PARD3: variants seen among roughly 807,000 people sequenced by gnomAD.
The protein encoded by PARD3 is par-3 family cell polarity regulator.
Under a neutral mutation model 155.4 loss-of-function variants are expected in PARD3, and 75 were observed. The ratio of observed to expected loss-of-function variants is 0.48; its 90% CI spans 0.40 to 0.58. The LOEUF is 0.58. PARD3 is among the 20% of genes least tolerant of loss of function. PARD3 has a pLI of 0.00. For synonymous variants in PARD3, 576 were observed against 610.5 expected, an observed-to-expected ratio of 0.94 and a Z score of 0.83; for missense variants, 1,642 against 1,721.7, an observed-to-expected ratio of 0.95 and a Z score of 0.82.
intron 1 of PARD3, among the ~76,000 whole-genome samples, chr10:34,769,554 G>A (rs553417229): frequency 6.6e-5 from 10 of 151,728 alleles, no homozygotes; most frequent in South Asian, 2.1e-4. Flanking sequence ...CCAGGAGTCC[G>A]ACACCAGCTT....
At chr10:34,225,717 C>A (rs1173713009) in intron 22 of PARD3, among the ~76,000 whole-genome samples, 2 of 152,120 alleles carry the variant, frequency 1.3e-5, no homozygotes, top group Non-Finnish European at 2.9e-5. Flanking sequence ...CTTACCTCAT[C>A]TCATATACAA....
rs2132002300 is a variant in PARD3 at position 34,382,684 on chromosome 10, A to C, written c.1255T>G (p.Ser419Ala). ...NHPPEQIDSH[S>A]RLPHSAHPSG... ...GGGTGTGCGCTATGAGGTAGTCTTGAGTGAGAGTCTATCTGCTCAGGCGGG... is the reference window on the plus strand; with the variant it reads ...GGGTGTGCGCTATGAGGTAGTCTTGCGTGAGAGTCTATCTGCTCAGGCGGG... The change falls in exon 9 of 25, where the codon TCA (serine) becomes GCA (alanine). Residue 419 changes from serine (S) to alanine (A), a missense_variant. Around this residue, in one of 3 missense-constraint regions of PARD3, gnomAD observed 1,529 missense variants for 1,587.3 expected, o/e 0.96. Coordinates refer to ENST00000374788, the MANE Select transcript of PARD3 (RefSeq NM_001184785.2). The C allele has an allele frequency of 6.2e-7, 1 of 1,614,130 alleles. No individual in the cohort carries two copies. The highest frequency in any genetic ancestry group is 8.5e-7 in the Non-Finnish European group (1 of 1,180,046).
At chr10:34,774,698 C>T (rs1338519973) in intron 1 of PARD3, among the ~76,000 whole-genome samples, 1 of 149,606 alleles carries the variant, frequency 6.7e-6, no homozygotes, top group Non-Finnish European at 1.5e-5. Flanking sequence ...CAACACTACA[C>T]TGATCTTATA....
chr10:34,473,535 A>G (rs936934826), intron 3 of PARD3, among the ~76,000 whole-genome samples: 1 of 152,138 alleles, frequency 6.6e-6, no homozygotes, highest in African/African-American at 2.4e-5. Context: ...AAAAATAAAA[A>G]AAAAAAAAAT....
chr10:34,216,210 G>C lies in PARD3; in HGVS notation c.3419+53447C>G, dbSNP rs148382355. Among the ~76,000 whole-genome samples, 759 of 152,226 alleles carry C rather than the reference G, an allele frequency of 5.0e-3. 2 individuals are homozygous for C. Among genetic ancestry groups the C allele is most frequent in the African/African-American group, 0.016 (676 of 41,536 alleles). On this transcript the variant is annotated intron_variant, in intron 22 of 24. Transcript: ENST00000374788. ...CTCAATATTTGTATGCAAATATTTA[G>C]GAAACATGCACAAAATTGAGCAAGT...
intron 14 of PARD3, among the ~76,000 whole-genome samples, chr10:34,351,702 C>T (rs1441620676): frequency 1.3e-5 from 2 of 152,204 alleles, no homozygotes; most frequent in African/African-American, 2.4e-5. Context: ...ACATCAGATT[C>T]GAAAGCCCAT....
In PARD3 at chr10:34,119,757, C is replaced by A. The variant is rs371401369; in HGVS notation, c.3541-17G>T. The A allele has an allele frequency of 8.1e-6, 13 of 1,606,318 alleles. No homozygotes were observed. The African/African-American group carries it at 1.7e-4, about 21-fold the overall frequency. ...TGCGTTCGGCTGGAAGAGGAAAATA[C>A]AAGCACATCGTTAACCAGAAAGTTC... On this transcript the variant is annotated splice_polypyrimidine_tract_variant and intron_variant, in intron 23 of 24. Coordinates refer to ENST00000374788, the MANE Select transcript of PARD3 (RefSeq NM_001184785.2).
chr10:34,536,384 A>G (rs1240757087), intron 2 of PARD3, among the ~76,000 whole-genome samples: 1 of 152,228 alleles, frequency 6.6e-6, no homozygotes, highest in Non-Finnish European at 1.5e-5. Context: ...CCAAACATCT[A>G]TGAAAGAAGT....
chr10:34,770,442 A>C (rs1838714272), intron 1 of PARD3, among the ~76,000 whole-genome samples: 1 of 152,200 alleles, frequency 6.6e-6, no homozygotes, highest in African/African-American at 2.4e-5. Flanking sequence ...TGCACATAAA[A>C]GGGTTATCTG....
intron 21 of PARD3, among the ~76,000 whole-genome samples, chr10:34,273,718 C>A (rs992808107): frequency 2.6e-5 from 4 of 152,178 alleles, no homozygotes; most frequent in Non-Finnish European, 4.4e-5. Flanking sequence ...AAAATTATTA[C>A]AAACTTAAAA....
chr10:34,549,746 T>C (rs1015014464), intron 2 of PARD3, among the ~76,000 whole-genome samples: 2 of 152,170 alleles, frequency 1.3e-5, no homozygotes, highest in African/African-American at 2.4e-5. Context: ...ATAAATTTCA[T>C]TGAAACTTCA....
At chr10:34,319,347 A>C (rs1218566710) in intron 19 of PARD3, among the ~76,000 whole-genome samples, 1 of 152,124 alleles carries the variant, frequency 6.6e-6, no homozygotes, top group Non-Finnish European at 1.5e-5. Context: ...TCTCCTCCCA[A>C]AGTGCTGGGA....
intron 2 of PARD3, among the ~76,000 whole-genome samples, chr10:34,576,332 G>C (rs561019539): frequency 6.6e-6 from 1 of 152,128 alleles, no homozygotes; most frequent in African/African-American, 2.4e-5. Context: ...CTGTCTGCTT[G>C]CTTGTGCATT....
chr10:34,646,065 T>C (rs553172945), intron 2 of PARD3, among the ~76,000 whole-genome samples: 3 of 152,280 alleles, frequency 2.0e-5, no homozygotes, highest in South Asian at 4.1e-4. Flanking sequence ...AGTCACAAAA[T>C]AGCATTCTTC....
At chr10:34,798,648 T>G (rs1842547238) in intron 1 of PARD3, among the ~76,000 whole-genome samples, 1 of 141,570 alleles carries the variant, frequency 7.1e-6, no homozygotes, top group Non-Finnish European at 1.5e-5. Context: ...GAGGTTGCAG[T>G]GAGCCGAGAT....
chr10:34,252,019 A>G (rs546988748), intron 22 of PARD3, among the ~76,000 whole-genome samples: 2 of 152,294 alleles, frequency 1.3e-5, no homozygotes, highest in African/African-American at 4.8e-5. Context: ...GTTGGAGGAG[A>G]CGGATGATAA....
rs574230807 is a variant in PARD3 at position 34,226,974 on chromosome 10, C to T, written c.3419+42683G>A. Among the ~76,000 whole-genome samples, 3 of 152,186 alleles carry T rather than the reference C, an allele frequency of 2.0e-5. No homozygotes were observed. In the South Asian group the frequency reaches 6.2e-4, roughly 32 times the overall value. On this transcript the variant is annotated intron_variant, in intron 22 of 24. Coordinates refer to ENST00000374788, the MANE Select transcript of PARD3 (RefSeq NM_001184785.2). ...ATCCACATGCATGGCAAAGATTTCA[C>T]GAAGAAGACTCAAAAGCAATTGGAA...
At chr10:34,155,668 ATGTGTGTGTGTGTG>A (rs3039232) in intron 22 of PARD3, among the ~76,000 whole-genome samples, 189 of 140,426 alleles carry the variant, frequency 1.3e-3, no homozygotes, top group African/African-American at 4.6e-3. Flanking sequence ...CCCTCTAAAA[ATGTGTGTGTGTGTG>A]TGTGTGTGTG....
intron 1 of PARD3, among the ~76,000 whole-genome samples, chr10:34,742,564 A>G (rs1314091266): frequency 6.6e-6 from 1 of 152,178 alleles, no homozygotes; most frequent in Admixed American, 6.5e-5. Context: ...GAACTGCATC[A>G]TAAGATCAAT....
Sources: allele counts gnomAD v4.1 joint callset (sites outside exome capture counted in the v4.1 genomes callset), GRCh38; gene constraint gnomAD v4.1.1; regional missense constraint gnomAD v4.1.1; transcripts MANE v1.5; gene names NCBI Gene and HGNC (gene_info 2026-07-23, HGNC 2026-07-21).